TAS1R1: variants seen among roughly 807,000 people sequenced by gnomAD.
TAS1R1 encodes taste 1 receptor member 1, also known as taste receptor type 1 member 1.
TAS1R1 carries 31 observed loss-of-function variants against 45.8 expected under a neutral mutation model. The observed-to-expected ratio is 0.68, with a 90% CI of 0.51 to 0.91. The LOEUF is 0.91. Ranked by LOEUF, TAS1R1 falls within the 40% of genes least tolerant of loss-of-function variation. The pLI is 0.00. For missense variants in TAS1R1, 1,051 were observed against 1,063.9 expected, an observed-to-expected ratio of 0.99 and a Z score of 0.17; for synonymous variants, 437 against 448.4, an observed-to-expected ratio of 0.97 and a Z score of 0.32.
intron 2 of TAS1R1, among the ~76,000 whole-genome samples, chr1:6,573,049 C>T (rs1640059454): frequency 6.6e-6 from 1 of 152,206 alleles, no homozygotes; most frequent in Non-Finnish European, 1.5e-5. Context: ...TTCACACCAG[C>T]ATCACCCCTC....
chr1:6,579,614 C>A lies in TAS1R1; in HGVS notation c.*30C>A, dbSNP rs1362145075. 6.3e-7 allele frequency: 1 copy of A among 1,576,600 alleles called. No homozygotes were observed. Among genetic ancestry groups the A allele is most frequent in the African/African-American group, 1.3e-5 (1 of 74,542 alleles). ...TGGGTCAGCAGGCACGGCTGGCAGC[C>A]TTCTCTGCCCTGAGGGTCGAAGGTC... On this transcript the variant is annotated 3_prime_UTR_variant, in exon 6 of 6. Coordinates refer to ENST00000333172, the MANE Select transcript of TAS1R1 (RefSeq NM_138697.4).
At chr1:6,555,866 C>CTCTTTT (rs1639669793) in intron 1 of TAS1R1, among the ~76,000 whole-genome samples, 1 of 95,304 alleles carries the variant, frequency 1.0e-5, no homozygotes, top group Non-Finnish European at 2.0e-5. Flanking sequence ...TTTCCCTCTT[C>CTCTTTT]TTTTTTTTTT....
intron 1 of TAS1R1, among the ~76,000 whole-genome samples, chr1:6,569,275 G>T (rs535429745): frequency 6.6e-6 from 1 of 152,170 alleles, no homozygotes; most frequent in African/African-American, 2.4e-5. Flanking sequence ...GGTGAGTTGG[G>T]TTTGGAGCGG....
Position 6,579,120 on chromosome 1 carries a change from G to A in TAS1R1, c.2062G>A (p.Ala688Thr). ...TGGCCTGTTTGTGATGATCAGCTCA[G>A]CGGCCCAGCTGCTTATCTGTCTAAC... ...GAGLFVMISS[A>T]AQLLICLTWL... Residue 688 changes from alanine (A) to threonine (T), a missense_variant, in exon 6 of 6, where the codon GCG (alanine) becomes ACG (threonine). Coordinates refer to ENST00000333172, the MANE Select transcript of TAS1R1 (RefSeq NM_138697.4). The A allele has an allele frequency of 6.2e-7, 1 of 1,614,194 alleles. No homozygotes were observed. Among genetic ancestry groups the A allele is most frequent in the Non-Finnish European group, 8.5e-7 (1 of 1,180,034 alleles).
At position 6,555,866 on chromosome 1, in the gene TAS1R1, C is replaced by CTTTTTTTTTTTTT. The variant is rs770363613; in HGVS notation, c.191+313_191+325dup. On this transcript the variant is annotated intron_variant, in intron 1 of 5. Coordinates refer to ENST00000333172, the MANE Select transcript of TAS1R1 (RefSeq NM_138697.4). Reference sequence around the variant, plus strand: ...AAGCAAGGGCAGCTTTTTCCCTCTTCTTTTTTTTTTTTTTTTTTTTTTTGA... The same window carrying CTTTTTTTTTTTTT: ...AAGCAAGGGCAGCTTTTTCCCTCTTCTTTTTTTTTTTTTTTTTTTTTTTTTTTTTTTTTTTTGA... Among the ~76,000 whole-genome samples, 78 of 95,332 alleles carry CTTTTTTTTTTTTT rather than the reference C, an allele frequency of 8.2e-4. 8 individuals are homozygous for CTTTTTTTTTTTTT. The highest frequency in any genetic ancestry group is 2.2e-3 in the Admixed American group (14 of 6,448). 62.5% of individuals were successfully genotyped at this position (95,332 alleles called of 152,430 possible).
rs911107267 is a variant in TAS1R1 at position 6,574,534 on chromosome 1, G to T, written c.499-97G>T. 7.7e-6 allele frequency: 11 copies of T among 1,432,226 alleles called. No homozygotes were observed. In the Admixed American group the frequency reaches 2.2e-4, roughly 29 times the overall value. The allele number at this position is 1,432,226 out of a possible 1,614,324, so 88.7% of individuals were successfully genotyped here. ...TCACAGGCTGAGGGGTGCTCTCCTG[G>T]TCTCCCCGGCTCCCTGTATCCCCAC... On this transcript the variant is annotated intron_variant, in intron 2 of 5. Coordinates refer to ENST00000333172, the MANE Select transcript of TAS1R1 (RefSeq NM_138697.4). The surrounding 1 kb of genome is among the most constrained non-coding windows in gnomAD (Gnocchi z 4.3).
At chr1:6,569,938 AG>A (rs1422682283) in intron 1 of TAS1R1, among the ~76,000 whole-genome samples, 3 of 143,800 alleles carry the variant, frequency 2.1e-5, no homozygotes, top group African/African-American at 7.7e-5. Context: ...AGGTTCTGGA[AG>A]GGGAGGGTGG....
rs781439304 is a variant in TAS1R1, at chr1:6,579,623, C to G, written c.*39C>G. 3.8e-6 allele frequency: 6 copies of G among 1,568,034 alleles called. No individual in the cohort carries two copies. The highest frequency in any genetic ancestry group is 5.2e-6 in the Non-Finnish European group (6 of 1,161,960). ...AGGCACGGCTGGCAGCCTTCTCTGC[C>G]CTGAGGGTCGAAGGTCGAGCAGGCC... On this transcript the variant is annotated 3_prime_UTR_variant, in exon 6 of 6. Transcript: ENST00000333172.
Position 6,579,408 on chromosome 1 carries a change from G to T in TAS1R1, c.2350G>T (p.Asp784Tyr). The change falls in exon 6 of 6, where the codon GAC becomes TAC. Residue 784 changes from aspartate to tyrosine, a missense_variant. Coordinates refer to ENST00000333172, the MANE Select transcript of TAS1R1 (RefSeq NM_138697.4). ...IAFFTTASVY[D>Y]GKYLPAANMM... Reference sequence around the variant, plus strand: ...CTTCTTCACCACGGCCAGCGTCTACGACGGCAAGTACCTGCCTGCGGCCAA... The same window carrying T: ...CTTCTTCACCACGGCCAGCGTCTACTACGGCAAGTACCTGCCTGCGGCCAA... The T allele has an allele frequency of 1.9e-6, 3 of 1,613,944 alleles. No homozygotes were observed. The highest frequency in any genetic ancestry group is 2.5e-6 in the Non-Finnish European group (3 of 1,180,056).
At chr1:6,562,280 T>G (rs1015638087) in intron 1 of TAS1R1, among the ~76,000 whole-genome samples, 1 of 152,196 alleles carries the variant, frequency 6.6e-6, no homozygotes, top group Non-Finnish European at 1.5e-5. Flanking sequence ...ATCATTCTCC[T>G]GCCTCAGCCT....
Position 6,579,478 on chromosome 1 carries a change from A to G in TAS1R1, c.2420A>G (p.Tyr807Cys), listed in dbSNP as rs138780518. ...LSSLSSGFGG[Y>C]FLPKCYVILC... ...AGCCTGAGCAGCGGCTTCGGTGGGTATTTTCTGCCTAAGTGCTACGTGATC... is the reference window on the plus strand; with the variant it reads ...AGCCTGAGCAGCGGCTTCGGTGGGTGTTTTCTGCCTAAGTGCTACGTGATC... Residue 807 changes from tyrosine to cysteine, a missense_variant, in exon 6 of 6, where the codon TAT becomes TGT. By Grantham distance (194) the Tyr-to-Cys change is radical. Transcript: ENST00000333172. 9.4e-5 allele frequency: 152 copies of G among 1,613,786 alleles called. No individual in the cohort carries two copies. The highest frequency in any genetic ancestry group is 3.3e-4 in the Middle Eastern group (2 of 6,084).
At chr1:6,576,780 C>T (rs1218004124) in intron 4 of TAS1R1, among the ~76,000 whole-genome samples, 153 bp downstream of exon 4, 1 of 152,264 alleles carries the variant, frequency 6.6e-6, no homozygotes, top group Non-Finnish European at 1.5e-5. Context: ...GCAGGGAAGA[C>T]ACTCCGTAGG....
At chr1:6,557,493 A>G (rs977266240) in intron 1 of TAS1R1, among the ~76,000 whole-genome samples, 4 of 152,166 alleles carry the variant, frequency 2.6e-5, no homozygotes, top group African/African-American at 9.7e-5. Context: ...TAGTGGTGCA[A>G]TCATAGCTCA....
intron 2 of TAS1R1, among the ~76,000 whole-genome samples, chr1:6,573,174 G>A (rs12132146): frequency 0.29 from 44,452 of 151,826 alleles, 7,156 homozygotes; most frequent in East Asian, 0.46. Context: ...AGTCCCGGCC[G>A]GGCACCGGGC....
intron 1 of TAS1R1, among the ~76,000 whole-genome samples, chr1:6,559,128 C>T (rs994761340): frequency 1.3e-5 from 2 of 152,016 alleles, no homozygotes; most frequent in African/African-American, 2.4e-5. Flanking sequence ...CTCCTGACCT[C>T]GTGATCCACC....
chr1:6,578,801 G>A lies in TAS1R1; in HGVS notation c.1743G>A (p.Leu581=). ...LAANTLLLLL[L]LGTAGLFAWH... is the part of the protein sequence containing the mutation. ...CTAACACGCTGCTGCTGCTGCTGCT[G>A]CTTGGGACTGCTGGCCTGTTTGCCT... The change falls in exon 6 of 6, where the codon CTG becomes CTA. Residue 581 remains leucine (L), a synonymous_variant. Coordinates refer to ENST00000333172, the MANE Select transcript of TAS1R1 (RefSeq NM_138697.4). 3.1e-6 allele frequency: 5 copies of A among 1,613,832 alleles called. No individual in the cohort carries two copies. In the South Asian group the frequency reaches 4.4e-5, roughly 14 times the overall value.
At chr1:6,564,246 T>C (rs1401082057) in intron 1 of TAS1R1, among the ~76,000 whole-genome samples, 2 of 152,008 alleles carry the variant, frequency 1.3e-5, no homozygotes, top group African/African-American at 4.8e-5. Context: ...TGGGGCTGGT[T>C]GGGTTAAGAG....
Position 6,555,866 on chromosome 1 carries a change from C to CCTTTTTTTTTTTTTTTTTTTTTTTTTT in TAS1R1, c.191+302_191+303insCTTTTTTTTTTTTTTTTTTTTTTTTTT, listed in dbSNP as rs1553185410. Among the ~76,000 whole-genome samples the CCTTTTTTTTTTTTTTTTTTTTTTTTTT allele has an allele frequency of 2.1e-5, 2 of 95,304 alleles. 1 individual carries two copies. The allele number at this position is 95,304 out of a possible 152,430, so 62.5% of individuals were successfully genotyped here. A position where few individuals can be genotyped will look rare whatever the true frequency, so the allele number is the denominator to read the frequency against. On this transcript the variant is annotated intron_variant, in intron 1 of 5. Transcript: ENST00000333172. Reference sequence around the variant, plus strand: ...AAGCAAGGGCAGCTTTTTCCCTCTTCTTTTTTTTTTTTTTTTTTTTTTTGA... The same window carrying CCTTTTTTTTTTTTTTTTTTTTTTTTTT: ...AAGCAAGGGCAGCTTTTTCCCTCTTCCTTTTTTTTTTTTTTTTTTTTTTTTTTTTTTTTTTTTTTTTTTTTTTTTTGA...
chr1:6,577,050 G>T lies in TAS1R1; in HGVS notation c.1574G>T (p.Gly525Val). 6.2e-7 allele frequency: 1 copy of T among 1,614,196 alleles called. No homozygotes were observed. Residue 525 changes from glycine to valine, a missense_variant, in exon 5 of 6, where the codon GGG becomes GTG. Transcript: ENST00000333172. Reference sequence around the variant, plus strand: ...TTTGAGTGTGTGCCCTGTGGGGCTGGGACCTTCCTCAACAAGAGTGGTGAG... The same window carrying T: ...TTTGAGTGTGTGCCCTGTGGGGCTGTGACCTTCCTCAACAAGAGTGGTGAG... ...CCFECVPCGAGTFLNKSDLYR... is the reference protein window; with the variant it reads ...CCFECVPCGAVTFLNKSDLYR...
Sources: allele counts gnomAD v4.1 joint callset (sites outside exome capture counted in the v4.1 genomes callset), GRCh38; gene constraint gnomAD v4.1.1; non-coding constraint Gnocchi (gnomAD v3.1); transcripts MANE v1.5; gene names NCBI Gene and HGNC (gene_info 2026-07-23, HGNC 2026-07-21).